VPS35L: variants seen among roughly 807,000 people sequenced by gnomAD.
VPS35L encodes VPS35 endosomal protein-sorting factor-like.
In VPS35L, 83 loss-of-function variants were observed where a neutral mutation model predicts 133.0. That is an observed-to-expected ratio of 0.62 (90% CI 0.52 to 0.75). VPS35L has a LOEUF of 0.75. Among genes scored for constraint, VPS35L ranks in the 30% least tolerant of loss-of-function variants. VPS35L has a pLI of 0.00. For synonymous variants in VPS35L, 423 were observed against 449.9 expected (o/e 0.94, Z 0.76); for missense variants, 1,083 against 1,206.8 (o/e 0.90, Z 1.52).
chr16:19,649,966 T>G (rs904046491), intron 24 of VPS35L, among the ~76,000 whole-genome samples: 1 of 152,180 alleles, frequency 6.6e-6, no homozygotes, highest in African/African-American at 2.4e-5. Flanking sequence ...GTTCTTATTG[T>G]TGGTACTGTA....
At chr16:19,600,526 C>T (rs1483425467) in intron 8 of VPS35L, among the ~76,000 whole-genome samples, 2 of 152,184 alleles carry the variant, frequency 1.3e-5, no homozygotes. Context: ...GATGAGTCGT[C>T]AGGAAAGTGA....
chr16:19,612,096 G>A (rs546956772), intron 12 of VPS35L, among the ~76,000 whole-genome samples: 4 of 151,546 alleles, frequency 2.6e-5, no homozygotes, highest in South Asian at 4.2e-4. Flanking sequence ...GCGCTACCAC[G>A]CCCAGCTAAT....
intron 1 of VPS35L, among the ~76,000 whole-genome samples, chr16:19,559,907 C>T (rs1354147161): frequency 6.6e-6 from 1 of 152,000 alleles, no homozygotes; most frequent in Non-Finnish European, 1.5e-5. Flanking sequence ...AGGCTGGTCT[C>T]GAACTCCTGA....
chr16:19,567,310 A>C (rs900608223), intron 2 of VPS35L, among the ~76,000 whole-genome samples: 1 of 152,162 alleles, frequency 6.6e-6, no homozygotes, highest in African/African-American at 2.4e-5. Context: ...GCTTTTCTCA[A>C]GCAGTTTTCA....
Position 19,616,828 on chromosome 16 carries a change from A to G in VPS35L, c.1224+20A>G. The G allele has an allele frequency of 6.2e-7, 1 of 1,614,104 alleles. No homozygotes were observed. The highest frequency in any genetic ancestry group is 8.5e-7 in the Non-Finnish European group (1 of 1,180,018). ...CCCGAGGTAACTGCCAGGTGGCTTCAGTGTGACGCTCACCTCCTGTATGGT... is the reference window on the plus strand; with the variant it reads ...CCCGAGGTAACTGCCAGGTGGCTTCGGTGTGACGCTCACCTCCTGTATGGT... On this transcript the variant is annotated intron_variant, in intron 14 of 30. Transcript: ENST00000417362.
intron 27 of VPS35L, 134 bp from the exon 28 acceptor site, chr16:19,682,091 G>A (rs763175836): frequency 1.0e-6 from 1 of 979,686 alleles, no homozygotes; most frequent in Non-Finnish European, 1.5e-6. Context: ...AGTGGGTCTT[G>A]CCTTTGTTCA....
intron 27 of VPS35L, among the ~76,000 whole-genome samples, chr16:19,673,735 T>G (rs956622824): frequency 1.3e-5 from 2 of 152,150 alleles, no homozygotes; most frequent in Non-Finnish European, 2.9e-5. Context: ...CTAACGCCAC[T>G]CATTAATACT....
At chr16:19,628,607 C>T (rs1235706931) in intron 16 of VPS35L, 30 bp from the exon 17 acceptor site, 14 of 1,230,034 alleles carry the variant, frequency 1.1e-5, no homozygotes, top group Non-Finnish European at 1.6e-5. Flanking sequence ...TTAAAATTTC[C>T]ATAACATGAT....
Position 19,591,850 on chromosome 16 carries a change from A to G in VPS35L, c.700A>G (p.Ile234Val). ...GTTCTACCCAAGCAAATTTGTCCTT[A>G]TCACCGACATACTTGATACATTTGG... ...IQFYPSKFVL[I>V]TDILDTFGKL... is the part of the protein sequence containing the mutation. The change falls in exon 8 of 31, where the codon ATC (isoleucine) becomes GTC (valine). Residue 234 changes from isoleucine (I) to valine (V), a missense_variant. Ile to Val is a conservative substitution (Grantham distance 29). Transcript: ENST00000417362. The G allele has an allele frequency of 6.2e-7, 1 of 1,609,508 alleles. No homozygotes were observed. The highest frequency in any genetic ancestry group is 1.1e-5 in the South Asian group (1 of 90,996).
intron 8 of VPS35L, among the ~76,000 whole-genome samples, chr16:19,594,498 G>A (rs1972139295): frequency 6.6e-6 from 1 of 151,812 alleles, no homozygotes; most frequent in African/African-American, 2.4e-5. Context: ...ATAAAAATTA[G>A]CCAGGCTTGG....
At chr16:19,558,922 CA>C (rs11294761) in intron 1 of VPS35L, among the ~76,000 whole-genome samples, 86,130 of 120,006 alleles carry the variant, frequency 0.72, 29,548 homozygotes, top group Middle Eastern at 0.83. Flanking sequence ...GACTCCGTCT[CA>C]AAAAAAAAAA....
chr16:19,594,685 A>G (rs1009765881), intron 8 of VPS35L, among the ~76,000 whole-genome samples: 1 of 150,988 alleles, frequency 6.6e-6, no homozygotes, highest in Admixed American at 6.6e-5. Flanking sequence ...GAGAAAAAAA[A>G]TCCTCGCCTT....
chr16:19,674,184 CTTTTT>C (rs201038834), intron 27 of VPS35L, among the ~76,000 whole-genome samples: 11 of 70,912 alleles, frequency 1.6e-4, no homozygotes, highest in South Asian at 1.2e-3. Flanking sequence ...TTTTCTTTTT[CTTTTT>C]TTTTTTTTTT....
chr16:19,586,331 ATATTTATT>A (rs559790762), intron 7 of VPS35L, among the ~76,000 whole-genome samples: 26 of 147,406 alleles, frequency 1.8e-4, no homozygotes, highest in Non-Finnish European at 2.9e-4. Context: ...ATGTATGTGT[ATATTTATT>A]TATTTATTTA....
At chr16:19,674,002 C>T (rs1023308424) in intron 27 of VPS35L, among the ~76,000 whole-genome samples, 2 of 151,950 alleles carry the variant, frequency 1.3e-5, no homozygotes, top group South Asian at 2.1e-4. Flanking sequence ...CCTTGTGGGA[C>T]GCGGCATTAG....
chr16:19,664,271 A>G (rs1436743085), intron 26 of VPS35L, among the ~76,000 whole-genome samples: 1 of 152,040 alleles, frequency 6.6e-6, no homozygotes, highest in Non-Finnish European at 1.5e-5. Flanking sequence ...AATTTTTCTT[A>G]CTATGAATAC....
At chr16:19,656,128 G>T (rs1426910714) in intron 26 of VPS35L, among the ~76,000 whole-genome samples, 1 of 151,860 alleles carries the variant, frequency 6.6e-6, no homozygotes, top group Non-Finnish European at 1.5e-5. Flanking sequence ...GGCAGTTGTG[G>T]TGGTGTACTC....
chr16:19,569,518 G>A lies in VPS35L; in HGVS notation c.212G>A (p.Ser71Asn). 6.2e-7 allele frequency: 1 copy of A among 1,610,608 alleles called. No individual in the cohort carries two copies. Among genetic ancestry groups the A allele is most frequent in the Admixed American group, 1.7e-5 (1 of 59,338 alleles). ...SSSSVVDPLS[S>N]VLDGTDPLSM... ...AGCTCCGTGGTGGACCCGCTGAGCA[G>A]CGTCCTCGATGGGACTGACCCCCTC... The change falls in exon 3 of 31, where the codon AGC (serine) becomes AAC (asparagine). Residue 71 changes from serine to asparagine, a missense_variant. By Grantham distance (46) the Ser-to-Asn change is conservative. Transcript: ENST00000417362.
chr16:19,641,572 A>G (rs1282495978), intron 21 of VPS35L, among the ~76,000 whole-genome samples: 1 of 152,196 alleles, frequency 6.6e-6, no homozygotes, highest in Non-Finnish European at 1.5e-5. Flanking sequence ...TTTTCTTGTC[A>G]TCTTTCTAAA....
Sources: allele counts gnomAD v4.1 joint callset (sites outside exome capture counted in the v4.1 genomes callset), GRCh38; gene constraint gnomAD v4.1.1; transcripts MANE v1.5; gene names NCBI Gene and HGNC (gene_info 2026-07-23, HGNC 2026-07-21).